ARHGEF25: variants seen among roughly 807,000 people sequenced by gnomAD.
ARHGEF25 encodes Rho guanine nucleotide exchange factor 25.
A neutral mutation model predicts 74.0 loss-of-function variants in ARHGEF25; 42 were observed. That is an observed-to-expected ratio of 0.57 (90% CI 0.44 to 0.73). The LOEUF is 0.73. Among genes scored for constraint, ARHGEF25 ranks in the 30% least tolerant of loss-of-function variants. The probability of loss-of-function intolerance (pLI) is 0.00; values close to 1 mark genes in which losing one functional copy is unlikely to be tolerated. For synonymous variants in ARHGEF25, 293 were observed against 278.6 expected (o/e 1.05, Z -0.51); for missense variants, 645 against 725.5 (o/e 0.89, Z 1.27).
Position 57,611,812 on chromosome 12 carries a change from G to T in ARHGEF25, c.-83G>T. 7.8e-6 allele frequency: 9 copies of T among 1,159,428 alleles called. No individual in the cohort carries two copies. Among genetic ancestry groups the T allele is most frequent in the Non-Finnish European group, 9.7e-6 (9 of 923,808 alleles). 71.8% of individuals were successfully genotyped at this position (1,159,428 alleles called of 1,614,324 possible). On this transcript the variant is annotated 5_prime_UTR_variant, in exon 1 of 15. Coordinates refer to ENST00000286494, the MANE Select transcript of ARHGEF25 (RefSeq NM_182947.4). This position sits in a 1 kb window ranked among gnomAD's most constrained non-coding sequence, Gnocchi z 4.5. The stretch of plus-strand genomic sequence containing the variant: ...GGGGTAGGAGGGAGGGGGGGTGTGC[G>T]CCCGGCGCCGTCCCCGCCCCGCCCC...
At position 57,615,875 on chromosome 12, in the gene ARHGEF25, C is replaced by T. The variant is rs761212971; in HGVS notation, c.1278C>T (p.Asp426=). 6.8e-6 allele frequency: 11 copies of T among 1,614,072 alleles called. No homozygotes were observed. The highest frequency in any genetic ancestry group is 4.4e-5 in the South Asian group (4 of 91,084). Residue 426 remains aspartate (D), a synonymous_variant, in exon 13 of 15, where the codon GAC becomes GAT. Coordinates refer to ENST00000286494, the MANE Select transcript of ARHGEF25 (RefSeq NM_182947.4). ...GACTGGAGGGGAACCTCCAAGGTGACCCTTGCCGCTTTGCACTGACCTCCA... is the reference window on the plus strand; with the variant it reads ...GACTGGAGGGGAACCTCCAAGGTGATCCTTGCCGCTTTGCACTGACCTCCA... The part of the protein sequence containing the change: ...CLGLEGNLQG[D]PCRFALTSRG...
rs1264904509 is a variant in ARHGEF25, at chr12:57,611,467, G to T, written c.-428G>T. The T allele has an allele frequency of 4.1e-6, 4 of 985,502 alleles. No individual in the cohort carries two copies. The highest frequency in any genetic ancestry group is 4.8e-6 in the Non-Finnish European group (4 of 830,118). 61.0% of individuals were successfully genotyped at this position (985,502 alleles called of 1,614,324 possible). ...TCTCCGCTCCGCTGGGACCCGCACA[G>T]CGCCAGTGGCTCGGGGGTCGGCCCT... On this transcript the variant is annotated 5_prime_UTR_variant, in exon 1 of 15. Coordinates refer to ENST00000286494, the MANE Select transcript of ARHGEF25 (RefSeq NM_182947.4). This position sits in a 1 kb window ranked among gnomAD's most constrained non-coding sequence, Gnocchi z 4.5.
rs1884144249 is a variant in ARHGEF25, at chr12:57,613,472, T to C, written c.441T>C (p.Pro147=). Reference sequence around the variant, plus strand: ...AAGAGGAGACTTTGTCCCAAGCCCCTGAGAGTGAGGAGGAACAGAAGAAGA... The same window carrying C: ...AAGAGGAGACTTTGTCCCAAGCCCCCGAGAGTGAGGAGGAACAGAAGAAGA... ...PPEEETLSQA[P]ESEEEQKKKA... is the part of the protein sequence containing the mutation. The change falls in exon 4 of 15, where the codon CCT becomes CCC. Residue 147 remains proline (P), a synonymous_variant. Transcript: ENST00000286494. 14 of 1,614,074 alleles carry C rather than the reference T, an allele frequency of 8.7e-6. No homozygotes were observed. Among genetic ancestry groups the C allele is most frequent in the Non-Finnish European group, 1.2e-5 (14 of 1,180,044 alleles).
Position 57,615,971 on chromosome 12 carries a change from C to T in ARHGEF25, c.1374C>T (p.Ile458=), listed in dbSNP as rs770686201. Residue 458 remains isoleucine (I), a synonymous_variant, in exon 13 of 15, where the codon ATC becomes ATT. Transcript: ENST00000286494. ...ACCCTGCTATCAGTCAGGCCTGGAT[C>T]AAGCATGTGGCTCAGATCTTGGAGA... ...AADPAISQAW[I]KHVAQILESQ... is the part of the protein sequence containing the mutation. The T allele has an allele frequency of 1.9e-6, 3 of 1,614,034 alleles. No homozygotes were observed. In the Admixed American group the frequency reaches 5.0e-5, roughly 27 times the overall value.
chr12:57,616,513 C>A lies in ARHGEF25; in HGVS notation c.1632+18C>A, dbSNP rs199741249. The A allele has an allele frequency of 5.0e-6, 8 of 1,609,054 alleles. No homozygotes were observed. The African/African-American group carries it at 8.0e-5, about 16-fold the overall frequency. Reference sequence around the variant, plus strand: ...ATAAACAGGTATGACGAATAGAGCTCCCTCATTGTAGGGATAAAAAGGGGA... The same window carrying A: ...ATAAACAGGTATGACGAATAGAGCTACCTCATTGTAGGGATAAAAAGGGGA... On this transcript the variant is annotated intron_variant, in intron 14 of 14. Transcript: ENST00000286494.
chr12:57,613,618 G>C, intron 4 of ARHGEF25, 76 bp from the exon 5 acceptor site: 1 of 1,609,942 alleles, frequency 6.2e-7, no homozygotes, highest in Non-Finnish European at 8.5e-7. Flanking sequence ...ATGATAAAGG[G>C]GAGGAGGGAG....
rs752496393 is a variant in ARHGEF25, at chr12:57,616,841, A to G, written c.1690A>G (p.Lys564Glu). ...HDSPPVSPTP[K>E]TPPCQARLAK... ...CTCTCCTCCAGTCTCTCCAACTCCAAAAACCCCTCCCTGCCAAGCCAGACT... is the reference window on the plus strand; with the variant it reads ...CTCTCCTCCAGTCTCTCCAACTCCAGAAACCCCTCCCTGCCAAGCCAGACT... Residue 564 changes from lysine to glutamate, a missense_variant, in exon 15 of 15, where the codon AAA (lysine) becomes GAA (glutamate). Lys to Glu is a moderately conservative substitution (Grantham distance 56). Transcript: ENST00000286494. 11 of 1,613,896 alleles carry G rather than the reference A, an allele frequency of 6.8e-6. No homozygotes were observed. In the South Asian group the frequency reaches 1.2e-4, roughly 18 times the overall value.
chr12:57,613,226 C>T, intron 2 of ARHGEF25, 38 bp from the exon 3 acceptor site: 1 of 1,611,960 alleles, frequency 6.2e-7, no homozygotes, highest in South Asian at 1.1e-5. Context: ...CACCCAGCTA[C>T]TGTCCCCGAC....
At chr12:57,610,345 G>A (rs779359268), upstream of ARHGEF25, 9 of 1,394,086 alleles carry the variant, frequency 6.5e-6, no homozygotes, top group Admixed American at 2.5e-5. Context: ...GTGGGGTCGG[G>A]GGTCTTTCGG....
At position 57,616,014 on chromosome 12, in the gene ARHGEF25, A is replaced by C; in HGVS notation, c.1417A>C (p.Asn473His). 1 of 1,610,762 alleles carries C rather than the reference A, an allele frequency of 6.2e-7. No individual in the cohort carries two copies. Among genetic ancestry groups the C allele is most frequent in the Non-Finnish European group, 8.5e-7 (1 of 1,178,028 alleles). Residue 473 changes from asparagine (N) to histidine (H), a missense_variant, in exon 13 of 15, where the codon AAC becomes CAC. Physicochemically the swap from Asn to His is moderately conservative, Grantham distance 68. Around this residue, in one of 3 missense-constraint regions of ARHGEF25, gnomAD observed 262 missense variants for 256.9 expected, o/e 1.02. Transcript: ENST00000286494. ...CTTGGAGAGCCAACGGGACTTCCTC[A>C]ACGGTGAAGCTCTCATCCTTTCTTC... ...QILESQRDFLNALQSPIEYQR... is the reference protein window; with the variant it reads ...QILESQRDFLHALQSPIEYQR...
chr12:57,611,632 G>T lies in ARHGEF25; in HGVS notation c.-263G>T. 1.9e-6 allele frequency: 2 copies of T among 1,041,722 alleles called. No individual in the cohort carries two copies. The highest frequency in any genetic ancestry group is 2.3e-6 in the Non-Finnish European group (2 of 867,178). 64.5% of individuals were successfully genotyped at this position (1,041,722 alleles called of 1,614,324 possible). On this transcript the variant is annotated 5_prime_UTR_variant, in exon 1 of 15. Transcript: ENST00000286494. The surrounding 1 kb of genome is among the most constrained non-coding windows in gnomAD (Gnocchi z 4.5). ...CATCTGGACCCTAGGCCCCCGCACC[G>T]ACAGGGTTCCGGAAACCCTCCCCGC... is the stretch of plus-strand genomic sequence containing the variant.
At chr12:57,611,382 G>A, upstream of ARHGEF25, 1 of 958,538 alleles carries the variant, frequency 1.0e-6, no homozygotes, top group Non-Finnish European at 1.2e-6. This position sits in a 1 kb window ranked among gnomAD's most constrained non-coding sequence, Gnocchi z 4.5. Context: ...TGGAGAGGGC[G>A]GAGCTGGGCC....
chr12:57,615,635 A>T lies in ARHGEF25; in HGVS notation c.1162A>T (p.Ile388Phe). The change falls in exon 12 of 15, where the codon ATC (isoleucine) becomes TTC (phenylalanine). Residue 388 changes from isoleucine (I) to phenylalanine (F), a missense_variant. Ile to Phe is a conservative substitution (Grantham distance 21). Around this residue, in one of 3 missense-constraint regions of ARHGEF25, gnomAD observed 262 missense variants for 256.9 expected, o/e 1.02. Transcript: ENST00000286494. ...ERRVFLFEQI[I>F]IFSEALGGGV... is the part of the protein sequence containing the mutation. ...GCGCGTCTTCCTCTTTGAGCAAATCATCATCTTCAGTGAAGCCCTGGGAGG... is the reference window on the plus strand; with the variant it reads ...GCGCGTCTTCCTCTTTGAGCAAATCTTCATCTTCAGTGAAGCCCTGGGAGG... The T allele has an allele frequency of 6.2e-7, 1 of 1,614,126 alleles. No homozygotes were observed.
Position 57,611,494 on chromosome 12 carries a change from G to A in ARHGEF25, c.-401G>A. 1 of 985,642 alleles carries A rather than the reference G, an allele frequency of 1.0e-6. No homozygotes were observed. The highest frequency in any genetic ancestry group is 1.2e-6 in the Non-Finnish European group (1 of 830,210). 61.1% of individuals were successfully genotyped at this position (985,642 alleles called of 1,614,324 possible). A position where few individuals can be genotyped will look rare whatever the true frequency, so the allele number is the denominator to read the frequency against. ...GCCAGTGGCTCGGGGGTCGGCCCTC[G>A]CCTCCTCCCCGGCCCGGGCCTAGAG... On this transcript the variant is annotated 5_prime_UTR_variant, in exon 1 of 15. Transcript: ENST00000286494. The surrounding 1 kb of genome is among the most constrained non-coding windows in gnomAD (Gnocchi z 4.5).
rs756429172 is a variant in ARHGEF25 at position 57,613,191 on chromosome 12, A to G, written c.312+47A>G. On this transcript the variant is annotated intron_variant, in intron 2 of 14. Coordinates refer to ENST00000286494, the MANE Select transcript of ARHGEF25 (RefSeq NM_182947.4). Reference sequence around the variant, plus strand: ...AGCATGTGGGACATCTATGAAGGACACTGGCAGAGAGGGCAAGTTGGGGCC... The same window carrying G: ...AGCATGTGGGACATCTATGAAGGACGCTGGCAGAGAGGGCAAGTTGGGGCC... The G allele has an allele frequency of 1.9e-6, 3 of 1,610,556 alleles. No individual in the cohort carries two copies. The Admixed American group carries it at 5.0e-5, about 27-fold the overall frequency.
rs1884034562 is a variant in ARHGEF25 at position 57,611,442 on chromosome 12, T to A, written c.-453T>A. On this transcript the variant is annotated 5_prime_UTR_variant, in exon 1 of 15. Transcript: ENST00000286494. The surrounding 1 kb of genome is among the most constrained non-coding windows in gnomAD (Gnocchi z 4.5). ...CCCGCGGCCAGGCCTGTTATTCAGC[T>A]CTCCGCTCCGCTGGGACCCGCACAG... 3 of 984,190 alleles carry A rather than the reference T, an allele frequency of 3.0e-6. No homozygotes were observed. Among genetic ancestry groups the A allele is most frequent in the Non-Finnish European group, 3.6e-6 (3 of 829,834 alleles). 61.0% of individuals were successfully genotyped at this position (984,190 alleles called of 1,614,324 possible). A position where few individuals can be genotyped will look rare whatever the true frequency, so the allele number is the denominator to read the frequency against.
At chr12:57,615,212 TG>T (rs768089743) in intron 10 of ARHGEF25, 24 bp from the exon 11 acceptor site, 1 of 1,578,346 alleles carries the variant, frequency 6.3e-7, no homozygotes, top group Non-Finnish European at 8.6e-7. Context: ...CGCCCAACAA[TG>T]CGCCTCCCTC....
chr12:57,613,407 G>T (rs374927200), intron 3 of ARHGEF25, 33 bp from the exon 4 acceptor site: 1 of 1,614,046 alleles, frequency 6.2e-7, no homozygotes. Context: ...AGGGGCATTC[G>T]TTTGCTCACC....
At chr12:57,616,236 A>T (rs1180941215) in intron 13 of ARHGEF25, 48 bp from the exon 14 acceptor site, 1 of 1,564,066 alleles carries the variant, frequency 6.4e-7, no homozygotes, top group Non-Finnish European at 8.7e-7. Context: ...CCTAGGGAGC[A>T]GACCTGTCTC....
Sources: allele counts gnomAD v4.1 joint callset, GRCh38; gene constraint gnomAD v4.1.1; regional missense constraint gnomAD v4.1.1; non-coding constraint Gnocchi (gnomAD v3.1); transcripts MANE v1.5; gene names NCBI Gene and HGNC (gene_info 2026-07-23, HGNC 2026-07-21).